The following NSMCE2 variants were observed in gnomAD, a reference collection of about 807,000 sequenced individuals.
NSMCE2 encodes the protein NSE2 SUMO ligase component of SMC5/6 complex.
Under a neutral mutation model 23.8 loss-of-function variants are expected in NSMCE2, and 24 were observed. That is an observed-to-expected ratio of 1.01 (90% CI 0.73 to 1.42). The LOEUF (loss-of-function observed/expected upper bound fraction) is 1.42, where lower values mean the gene tolerates loss of function less well. Ranked by LOEUF, NSMCE2 falls within the 40% of genes most tolerant of loss-of-function variation. The pLI is 0.00. For synonymous variants in NSMCE2, 92 were observed against 94.1 expected, an observed-to-expected ratio of 0.98 and a Z score of 0.13; for missense variants, 284 against 296.5, an observed-to-expected ratio of 0.96 and a Z score of 0.31.
intron 1 of NSMCE2, among the ~76,000 whole-genome samples, chr8:125,096,817 G>A (rs1311429263): frequency 1.3e-5 from 2 of 151,826 alleles, no homozygotes; most frequent in Non-Finnish European, 2.9e-5. Flanking sequence ...CACCATGTTG[G>A]CTGGGCTGGT....
intron 5 of NSMCE2, among the ~76,000 whole-genome samples, chr8:125,286,600 A>C (rs979993308): frequency 6.6e-6 from 1 of 152,188 alleles, no homozygotes; most frequent in Non-Finnish European, 1.5e-5. Context: ...GGCATGAGCC[A>C]CTGCGCCCGG....
chr8:125,249,970 A>G (rs1826135890), intron 5 of NSMCE2, among the ~76,000 whole-genome samples: 1 of 152,120 alleles, frequency 6.6e-6, no homozygotes, highest in Non-Finnish European at 1.5e-5. Flanking sequence ...ACAGTATTTT[A>G]TTATTTATTT....
chr8:125,169,402 T>TA (rs530095274), intron 4 of NSMCE2, among the ~76,000 whole-genome samples: 70 of 152,344 alleles, frequency 4.6e-4, no homozygotes, highest in Non-Finnish European at 8.8e-4. Context: ...ATTCTCTACT[T>TA]AAATGTGCTA....
Position 125,365,086 on chromosome 8 carries a change from T to C in NSMCE2, c.627-1682T>C, listed in dbSNP as rs576548621. On this transcript the variant is annotated intron_variant, in intron 7 of 7. Coordinates refer to ENST00000287437, the MANE Select transcript of NSMCE2 (RefSeq NM_173685.4). ...CACCCCTTTGTGGGTGACTCACTGA[T>C]GTCTTTAGCTGCAGCCTTTCCACCG... is the stretch of plus-strand genomic sequence containing the variant. Among the ~76,000 whole-genome samples the C allele has an allele frequency of 2.0e-5, 3 of 152,196 alleles. No individual in the cohort carries two copies. The South Asian group carries it at 6.2e-4, about 32-fold the overall frequency.
At chr8:125,233,628 T>C (rs987697737) in intron 5 of NSMCE2, among the ~76,000 whole-genome samples, 7 of 152,204 alleles carry the variant, frequency 4.6e-5, no homozygotes, top group Non-Finnish European at 7.4e-5. Context: ...ACTTTTGTTT[T>C]AAAATATTCC....
rs541762425 is a variant in NSMCE2 at position 125,112,298 on chromosome 8, G to A, written c.157+9811G>A. 3.6e-4 allele frequency among the ~76,000 whole-genome samples: 55 copies of A among 152,300 alleles called. 1 individual carries two copies. The South Asian group carries it at 8.9e-3, about 25-fold the overall frequency. On this transcript the variant is annotated intron_variant, in intron 3 of 7. Coordinates refer to ENST00000287437, the MANE Select transcript of NSMCE2 (RefSeq NM_173685.4). ...GGAAACCCTTGTGTATTGTTGGTGC[G>A]AATGTAAATCAGTACAGTCATTATG...
chr8:125,217,359 ATTTTTTATTTATTTAT>A lies in NSMCE2; in HGVS notation c.418+35107_418+35122del, dbSNP rs1563725567. Among the ~76,000 whole-genome samples, 3 of 150,426 alleles carry A rather than the reference ATTTTTTATTTATTTAT, an allele frequency of 2.0e-5. No individual in the cohort carries two copies. In the East Asian group the frequency reaches 5.8e-4, roughly 29 times the overall value. On this transcript the variant is annotated intron_variant, in intron 5 of 7. Transcript: ENST00000287437. ...ATTTTATTTATTTATTTATTTATTT[ATTTTTTATTTATTTAT>A]TTTGAGATGGAGTCTTGCTGTGTCA...
At chr8:125,341,464 T>C (rs190500925) in intron 5 of NSMCE2, among the ~76,000 whole-genome samples, 1 of 152,354 alleles carries the variant, frequency 6.6e-6, no homozygotes, top group Non-Finnish European at 1.5e-5. Context: ...GTCAGGCCCG[T>C]AGGCTTTGAA....
At chr8:125,216,380 C>G (rs1473037816) in intron 5 of NSMCE2, among the ~76,000 whole-genome samples, 4 of 152,232 alleles carry the variant, frequency 2.6e-5, no homozygotes, top group Admixed American at 6.5e-5. Context: ...TGGCTCATGC[C>G]TGTAATCCCA....
chr8:125,192,936 AAGG>A (rs1473494946), intron 5 of NSMCE2, among the ~76,000 whole-genome samples: 1 of 152,222 alleles, frequency 6.6e-6, no homozygotes, highest in African/African-American at 2.4e-5. Context: ...TCCATACTTT[AAGG>A]AGATGTTCTG....
intron 5 of NSMCE2, among the ~76,000 whole-genome samples, chr8:125,354,514 C>T (rs1813171355): frequency 6.6e-6 from 1 of 152,128 alleles, no homozygotes; most frequent in South Asian, 2.1e-4. Flanking sequence ...GTTTTGAAGC[C>T]AACCAATGGT....
chr8:125,099,666 T>A (rs1818092179), intron 1 of NSMCE2, among the ~76,000 whole-genome samples: 1 of 152,086 alleles, frequency 6.6e-6, no homozygotes, highest in African/African-American at 2.4e-5. Context: ...AAATTTAACA[T>A]TAAGTCTTTT....
chr8:125,112,784 A>G (rs1211543695), intron 3 of NSMCE2, among the ~76,000 whole-genome samples: 2 of 152,186 alleles, frequency 1.3e-5, no homozygotes, highest in African/African-American at 2.4e-5. Context: ...CAAAGGATAC[A>G]AAATTACCAT....
intron 5 of NSMCE2, among the ~76,000 whole-genome samples, chr8:125,244,449 C>A (rs1825880606): frequency 6.6e-6 from 1 of 151,988 alleles, no homozygotes; most frequent in African/African-American, 2.4e-5. Flanking sequence ...CATAAAAAAA[C>A]AAAATGTAGC....
At chr8:125,228,198 A>G (rs1825180169) in intron 5 of NSMCE2, among the ~76,000 whole-genome samples, 1 of 152,178 alleles carries the variant, frequency 6.6e-6, no homozygotes, top group South Asian at 2.1e-4. Flanking sequence ...TTTTTCAGGT[A>G]AAAATTATTT....
chr8:125,322,667 A>C (rs1419991074), intron 5 of NSMCE2, among the ~76,000 whole-genome samples: 1 of 152,256 alleles, frequency 6.6e-6, no homozygotes. Context: ...GAAAAGGAGT[A>C]GTAAAATTTG....
intron 5 of NSMCE2, among the ~76,000 whole-genome samples, chr8:125,246,040 T>C (rs1322702967): frequency 6.6e-6 from 1 of 151,850 alleles, no homozygotes; most frequent in Admixed American, 6.6e-5. Flanking sequence ...AATATGAAAT[T>C]AGGAATAAAA....
intron 5 of NSMCE2, among the ~76,000 whole-genome samples, chr8:125,205,839 A>G (rs1034465871): frequency 1.3e-5 from 2 of 152,212 alleles, no homozygotes; most frequent in African/African-American, 2.4e-5. Flanking sequence ...CTGATGGTCA[A>G]GCTTAAGCTT....
At chr8:125,357,679 A>G (rs1346418521) in intron 6 of NSMCE2, 33 bp from the exon 7 acceptor site, 1 of 1,498,732 alleles carries the variant, frequency 6.7e-7, no homozygotes, top group Non-Finnish European at 9.3e-7. Flanking sequence ...GATCATTATC[A>G]TTCCTGAAAG....
Sources: gnomAD v4.1 joint callset for allele counts (sites outside exome capture counted in the v4.1 genomes callset) on GRCh38, gnomAD v4.1.1 for gene constraint, MANE v1.5 for transcripts, NCBI Gene and HGNC (gene_info 2026-07-23, HGNC 2026-07-21) for gene names.